Variants in NME7 observed in about 807,000 individuals in gnomAD.
The protein encoded by NME7 is nucleoside diphosphate kinase 7.
Under a neutral mutation model 49.1 loss-of-function variants are expected in NME7, and 41 were observed. That is an observed-to-expected ratio of 0.83 (90% CI 0.65 to 1.08). NME7 has a LOEUF of 1.08. Ranked by LOEUF, NME7 falls within the 50% of genes least tolerant of loss-of-function variation. The pLI is 0.00. For synonymous variants in NME7, 139 were observed against 150.6 expected, an observed-to-expected ratio of 0.92 and a Z score of 0.56; for missense variants, 423 against 463.4, an observed-to-expected ratio of 0.91 and a Z score of 0.80.
intron 10 of NME7, among the ~76,000 whole-genome samples, chr1:169,230,282 T>C (rs1169544783): frequency 6.6e-6 from 1 of 152,148 alleles, no homozygotes; most frequent in Non-Finnish European, 1.5e-5. Context: ...AACTGAAAGG[T>C]ATACTAGTGA....
At chr1:169,316,264 T>C (rs1247608042) in intron 3 of NME7, among the ~76,000 whole-genome samples, 3 of 152,044 alleles carry the variant, frequency 2.0e-5, no homozygotes, top group Admixed American at 1.3e-4. Context: ...AACAAAACTA[T>C]GTAAGATTTA....
chr1:169,214,738 A>G (rs1217571454), intron 10 of NME7, among the ~76,000 whole-genome samples: 2 of 152,210 alleles, frequency 1.3e-5, no homozygotes, highest in Admixed American at 6.5e-5. Context: ...GTGGGAGGGC[A>G]TGCGTAGGTG....
chr1:169,223,149 C>G (rs1661196662), intron 10 of NME7, among the ~76,000 whole-genome samples: 2 of 152,230 alleles, frequency 1.3e-5, no homozygotes, highest in South Asian at 4.1e-4. Context: ...ATGGGCATGT[C>G]ATATTTCTGT....
chr1:169,188,806 A>T (rs2101759606), intron 10 of NME7, among the ~76,000 whole-genome samples: 1 of 152,322 alleles, frequency 6.6e-6, no homozygotes, highest in East Asian at 1.9e-4. Context: ...AGGTGATACC[A>T]TAAGCATCTT....
At chr1:169,195,088 C>T (rs975991) in intron 10 of NME7, among the ~76,000 whole-genome samples, 2,238 of 152,158 alleles carry the variant, frequency 0.015, 58 homozygotes, top group African/African-American at 0.051. Flanking sequence ...GCATTATATG[C>T]AATTATAATT....
At chr1:169,134,101 A>G (rs1256895877) in intron 11 of NME7, among the ~76,000 whole-genome samples, 1 of 152,128 alleles carries the variant, frequency 6.6e-6, no homozygotes, top group Non-Finnish European at 1.5e-5. Context: ...CTTTAGTGTT[A>G]TATCACCACT....
intron 4 of NME7, among the ~76,000 whole-genome samples, chr1:169,305,361 T>C (rs1274690392): frequency 1.3e-5 from 2 of 152,238 alleles, no homozygotes; most frequent in East Asian, 1.9e-4. Context: ...CCAACCTTGA[T>C]TGAGGCACTG....
intron 1 of NME7, among the ~76,000 whole-genome samples, chr1:169,360,300 A>C (rs994486900): frequency 2.6e-5 from 4 of 152,342 alleles, no homozygotes; most frequent in African/African-American, 9.6e-5. Flanking sequence ...CAAAGACAAA[A>C]GAAGCTCAGA....
chr1:169,309,585 T>G (rs1222291879), intron 4 of NME7, among the ~76,000 whole-genome samples: 1 of 152,196 alleles, frequency 6.6e-6, no homozygotes, highest in Non-Finnish European at 1.5e-5. Context: ...ATATTGCTCC[T>G]CTTGCTTTTC....
intron 7 of NME7, among the ~76,000 whole-genome samples, chr1:169,257,633 T>C (rs1389622998): frequency 7.4e-6 from 1 of 134,246 alleles, no homozygotes; most frequent in Non-Finnish European, 1.8e-5. Flanking sequence ...CCCCATTAGT[T>C]TTATGCTTTC....
chr1:169,271,448 T>C (rs183679039), intron 7 of NME7, among the ~76,000 whole-genome samples: 1 of 133,836 alleles, frequency 7.5e-6, no homozygotes, highest in Admixed American at 7.4e-5. Context: ...TTAAGATCCT[T>C]AGCCTGCTGT....
intron 7 of NME7, among the ~76,000 whole-genome samples, chr1:169,252,404 G>A (rs1030760862): frequency 6.6e-6 from 1 of 151,868 alleles, no homozygotes; most frequent in African/African-American, 2.4e-5. Flanking sequence ...TTTTTGATGG[G>A]GTTGTTTGTT....
intron 1 of NME7, among the ~76,000 whole-genome samples, chr1:169,328,655 G>A (rs1052771279): frequency 6.6e-6 from 1 of 152,118 alleles, no homozygotes; most frequent in South Asian, 2.1e-4. Context: ...TATAATACTA[G>A]GTAAATTTTT....
intron 10 of NME7, among the ~76,000 whole-genome samples, chr1:169,177,197 G>T: frequency 6.6e-6 from 1 of 151,844 alleles, no homozygotes; most frequent in East Asian, 1.9e-4. Flanking sequence ...TAATGAAATA[G>T]CTGGGACCCA....
In NME7 at chr1:169,355,022, A is replaced by C. The variant is rs1358841910; in HGVS notation, c.3+12686T>G. 3.6e-5 allele frequency among the ~76,000 whole-genome samples: 2 copies of C among 55,994 alleles called. 1 individual carries two copies. Among genetic ancestry groups the C allele is most frequent in the Non-Finnish European group, 7.7e-5 (2 of 25,864 alleles). The allele number at this position is 55,994 out of a possible 152,430, so 36.7% of individuals were successfully genotyped here. On this transcript the variant is annotated intron_variant, in intron 1 of 11. Transcript: ENST00000367811. ...ATTATATATGTTTATATATAATATA[A>C]TTATATATTATATATTATAGATATA...
At chr1:169,217,184 A>T (rs1660994817) in intron 10 of NME7, among the ~76,000 whole-genome samples, 1 of 152,214 alleles carries the variant, frequency 6.6e-6, no homozygotes. Context: ...TATTCTGACA[A>T]CAAACCCAAG....
At chr1:169,246,020 T>C (rs1350227858) in intron 7 of NME7, among the ~76,000 whole-genome samples, 1 of 152,168 alleles carries the variant, frequency 6.6e-6, no homozygotes, top group East Asian at 1.9e-4. Flanking sequence ...GCTACAAATG[T>C]CTATGGTTTT....
chr1:169,348,717 T>C (rs888670899), intron 1 of NME7, among the ~76,000 whole-genome samples: 1 of 152,106 alleles, frequency 6.6e-6, no homozygotes, highest in South Asian at 2.1e-4. Flanking sequence ...ATACCCTCAA[T>C]TTTAGCCCTG....
chr1:169,141,588 C>T (rs1272347451), intron 11 of NME7, among the ~76,000 whole-genome samples: 1 of 152,138 alleles, frequency 6.6e-6, no homozygotes, highest in Non-Finnish European at 1.5e-5. Context: ...GTCAATTAAA[C>T]CCAAGGAATT....
Sources: allele counts gnomAD v4.1 joint callset (sites outside exome capture counted in the v4.1 genomes callset), GRCh38; gene constraint gnomAD v4.1.1; transcripts MANE v1.5; gene names NCBI Gene and HGNC (gene_info 2026-07-23, HGNC 2026-07-21).